Variants in HIRA observed in about 807,000 individuals in gnomAD.
HIRA encodes histone cell cycle regulator, also known as protein HIRA.
HIRA carries 13 observed loss-of-function variants against 126.6 expected under a neutral mutation model. The observed-to-expected ratio is 0.10, with a 90% CI of 0.07 to 0.16. The LOEUF is 0.16. Among genes scored for constraint, HIRA ranks in the 10% least tolerant of loss-of-function variants. HIRA has a pLI of 1.00. For synonymous variants in HIRA, 511 were observed against 520.0 expected (o/e 0.98, Z 0.24); for missense variants, 834 against 1,314.4 (o/e 0.63, Z 5.65).
chr22:19,398,224 C>A (rs1174573121), intron 5 of HIRA, 137 bp from the exon 6 acceptor site: 10 of 631,194 alleles, frequency 1.6e-5, no homozygotes, highest in Middle Eastern at 2.6e-4. Flanking sequence ...AAACTCCCCC[C>A]AGAATTTTTC....
chr22:19,372,254 C>T lies in HIRA; in HGVS notation c.1775+3377G>A, dbSNP rs1692153205. Among the ~76,000 whole-genome samples the T allele has an allele frequency of 2.0e-5, 3 of 152,206 alleles. No homozygotes were observed. The South Asian group carries it at 6.2e-4, about 31-fold the overall frequency. On this transcript the variant is annotated intron_variant, in intron 15 of 24. Transcript: ENST00000263208. Reference sequence around the variant, plus strand: ...TATAGGACCAACACTTATTATCTGACTATCTGATCTTTTAATTACAGACCT... The same window carrying T: ...TATAGGACCAACACTTATTATCTGATTATCTGATCTTTTAATTACAGACCT...
chr22:19,375,404 G>A (rs960924520), intron 15 of HIRA, among the ~76,000 whole-genome samples: 1 of 152,112 alleles, frequency 6.6e-6, no homozygotes, highest in Non-Finnish European at 1.5e-5. Flanking sequence ...TGGTTCTTTT[G>A]CCGCGTCCTC....
intron 7 of HIRA, among the ~76,000 whole-genome samples, chr22:19,395,386 T>C (rs2089214675): frequency 6.6e-6 from 1 of 152,108 alleles, no homozygotes; most frequent in Non-Finnish European, 1.5e-5. Flanking sequence ...TGAAGAGTAC[T>C]ACCACCTCCT....
At chr22:19,381,025 T>G (rs1283485127) in intron 13 of HIRA, among the ~76,000 whole-genome samples, 1 of 152,262 alleles carries the variant, frequency 6.6e-6, no homozygotes, top group African/African-American at 2.4e-5. Context: ...CTGACATCTT[T>G]ATGATGCCAT....
At chr22:19,372,010 ACT>A (rs1183735180) in intron 15 of HIRA, among the ~76,000 whole-genome samples, 5 of 152,106 alleles carry the variant, frequency 3.3e-5, no homozygotes. Flanking sequence ...TCAGATGATA[ACT>A]CTATATTTTA....
rs750061943 is a variant in HIRA at position 19,378,036 on chromosome 22, G to T, written c.1446C>A (p.Ile482=). The change falls in exon 14 of 25, where the codon ATC becomes ATA. Residue 482 remains isoleucine, a synonymous_variant. Transcript: ENST00000263208. The stretch of plus-strand genomic sequence containing the variant: ...TGCCCGCCAGGGAGCCCGAGAGGGG[G>T]ATGCTGTTAAAGAATGCCGTGGAGA... ...GDFSTAFFNS[I]PLSGSLAGTM... The T allele has an allele frequency of 3.1e-6, 5 of 1,597,332 alleles. No homozygotes were observed. The highest frequency in any genetic ancestry group is 1.7e-5 in the Admixed American group (1 of 57,274).
intron 12 of HIRA, among the ~76,000 whole-genome samples, chr22:19,384,873 G>A (rs1211146524): frequency 1.3e-5 from 2 of 151,338 alleles, no homozygotes; most frequent in African/African-American, 2.4e-5. Context: ...CAGGCTGGTC[G>A]GAACTCCTGA....
In HIRA at chr22:19,357,158, C is replaced by T; in HGVS notation, c.2235-107G>A. ...CTCTGCCTGGGCCCAACAAGGGCCT[C>T]CCCTGAGCAGGTACAGCCAGAAGGG... On this transcript the variant is annotated intron_variant, in intron 18 of 24. Transcript: ENST00000263208. 3.8e-6 allele frequency: 5 copies of T among 1,313,858 alleles called. No individual in the cohort carries two copies. In the South Asian group the frequency reaches 5.3e-5, roughly 14 times the overall value. 81.4% of individuals were successfully genotyped at this position (1,313,858 alleles called of 1,614,324 possible).
chr22:19,367,692 T>C (rs2088926778), intron 15 of HIRA, among the ~76,000 whole-genome samples: 1 of 152,206 alleles, frequency 6.6e-6, no homozygotes, highest in South Asian at 2.1e-4. Context: ...ATACTTTAAA[T>C]AATCTCTAGA....
At chr22:19,430,537 CCCTTTG>C (rs1005516269) in intron 1 of HIRA, among the ~76,000 whole-genome samples, 1 of 152,030 alleles carries the variant, frequency 6.6e-6, no homozygotes, top group Non-Finnish European at 1.5e-5. Context: ...ATCAGGGTGA[CCCTTTG>C]CCTGTCAACA....
In HIRA at chr22:19,375,776, T is replaced by A. The variant is rs1470088694; in HGVS notation, c.1630A>T (p.Thr544Ser). 2 of 1,613,542 alleles carry A rather than the reference T, an allele frequency of 1.2e-6. No individual in the cohort carries two copies. Among genetic ancestry groups the A allele is most frequent in the Admixed American group, 3.3e-5 (2 of 59,966 alleles). Residue 544 changes from threonine to serine, a missense_variant, in exon 15 of 25, where the codon ACT (threonine) becomes TCT (serine). Coordinates refer to ENST00000263208, the MANE Select transcript of HIRA (RefSeq NM_003325.4). ...ACAGAAGGTGACAATGCAGCAGGAG[T>A]AGAGGTAGCATTCATACTGGGGTGA... ...VNKDSMNATS[T>S]PAALSPSVLT...
At chr22:19,401,232 T>C (rs1223343613) in intron 5 of HIRA, among the ~76,000 whole-genome samples, 1 of 152,160 alleles carries the variant, frequency 6.6e-6, no homozygotes, top group African/African-American at 2.4e-5. Flanking sequence ...GTCTTCACTT[T>C]GCCCCTCAGC....
At chr22:19,363,974 G>A (rs181736366) in intron 15 of HIRA, among the ~76,000 whole-genome samples, 234 of 152,278 alleles carry the variant, frequency 1.5e-3, no homozygotes, top group Non-Finnish European at 2.5e-3. Context: ...GGTTAAACCC[G>A]TAAAACGTAC....
At chr22:19,406,002 G>C in intron 4 of HIRA, 122 bp from the exon 5 acceptor site, 1 of 497,706 alleles carries the variant, frequency 2.0e-6, no homozygotes, top group Non-Finnish European at 3.4e-6. Flanking sequence ...GAACTGGAAA[G>C]CACTGGGTTG....
chr22:19,375,587 C>T, intron 15 of HIRA, 44 bp downstream of exon 15: 1 of 1,605,780 alleles, frequency 6.2e-7, no homozygotes. Context: ...TGACCCATGC[C>T]TGCACCCTGC....
intron 24 of HIRA, among the ~76,000 whole-genome samples, chr22:19,333,408 A>G (rs947114756): frequency 1.3e-5 from 2 of 152,224 alleles, no homozygotes; most frequent in Non-Finnish European, 2.9e-5. Flanking sequence ...CTAGAAAAAT[A>G]TAATTTATCA....
chr22:19,397,124 T>C (rs369864654), intron 6 of HIRA, among the ~76,000 whole-genome samples, 177 bp from the exon 7 acceptor site: 86 of 152,280 alleles, frequency 5.6e-4, no homozygotes, highest in African/African-American at 1.8e-3. Context: ...CAAAAGCCAA[T>C]TGAAGAAATG....
chr22:19,375,606 T>G (rs1237498559), intron 15 of HIRA, 25 bp downstream of exon 15: 2 of 1,612,440 alleles, frequency 1.2e-6, no homozygotes, highest in Non-Finnish European at 1.7e-6. Context: ...GCCTGGTCCT[T>G]CAGGGTCCTG....
chr22:19,358,979 A>C (rs2088838775), intron 18 of HIRA, among the ~76,000 whole-genome samples: 1 of 152,176 alleles, frequency 6.6e-6, no homozygotes, highest in African/African-American at 2.4e-5. Flanking sequence ...TCTGGGATCC[A>C]AAAAAGGAAC....
Sources: gnomAD v4.1 joint callset for allele counts (sites outside exome capture counted in the v4.1 genomes callset) on GRCh38, gnomAD v4.1.1 for gene constraint, MANE v1.5 for transcripts, NCBI Gene and HGNC (gene_info 2026-07-23, HGNC 2026-07-21) for gene names.